Variants in NLRP8 observed in about 807,000 individuals in gnomAD.
NLRP8 encodes the protein NACHT, LRR and PYD domains-containing protein 8.
Under a neutral mutation model 88.7 loss-of-function variants are expected in NLRP8, and 86 were observed. The observed-to-expected ratio is 0.97, with a 90% confidence interval of 0.81 to 1.16. The LOEUF (loss-of-function observed/expected upper bound fraction) is 1.16, where lower values mean the gene tolerates loss of function less well. Among genes scored for constraint, NLRP8 ranks in the 50% most tolerant of loss-of-function variants. NLRP8 has a pLI of 0.00. For synonymous variants in NLRP8, 504 were observed against 494.6 expected (o/e 1.02, Z -0.25); for missense variants, 1,342 against 1,286.5 (o/e 1.04, Z -0.66).
chr19:55,988,540 C>A lies in NLRP8; in HGVS notation c.*627C>A, dbSNP rs772790390. ...ATATAGACAAAGTCTTCATCGTCTTCTTGCTTCTTCTACCTTTATTTATTC... is the reference window on the plus strand; with the variant it reads ...ATATAGACAAAGTCTTCATCGTCTTATTGCTTCTTCTACCTTTATTTATTC... On this transcript the variant is annotated 3_prime_UTR_variant, in exon 10 of 10. Coordinates refer to ENST00000291971, the MANE Select transcript of NLRP8 (RefSeq NM_176811.2). The A allele has an allele frequency of 6.7e-6, 1 of 149,190 alleles. No homozygotes were observed. Among genetic ancestry groups the A allele is most frequent in the African/African-American group, 2.5e-5 (1 of 40,372 alleles). 9.2% of individuals were successfully genotyped at this position (149,190 alleles called of 1,614,324 possible). A position where few individuals can be genotyped will look rare whatever the true frequency, so the allele number is the denominator to read the frequency against.
At chr19:55,986,051 T>C (rs2123236267) in intron 9 of NLRP8, among the ~76,000 whole-genome samples, 1 of 152,118 alleles carries the variant, frequency 6.6e-6, no homozygotes, top group Non-Finnish European at 1.5e-5. Flanking sequence ...TAAACTTCTG[T>C]TTCAAGATTA....
rs1980322615 is a variant in NLRP8 at position 55,976,338 on chromosome 19, G to A, written c.2876+35G>A. On this transcript the variant is annotated intron_variant, in intron 8 of 9. Transcript: ENST00000291971. ...CCCTCGTCTCCTCCTGTGAGACCAGGAGAATTGTATATAAGCGTCTCTCAG... is the reference window on the plus strand; with the variant it reads ...CCCTCGTCTCCTCCTGTGAGACCAGAAGAATTGTATATAAGCGTCTCTCAG... 4 of 1,539,120 alleles carry A rather than the reference G, an allele frequency of 2.6e-6. No homozygotes were observed. The East Asian group carries it at 9.3e-5, about 36-fold the overall frequency.
chr19:55,966,443 G>T, intron 5 of NLRP8, 63 bp downstream of exon 5: 1 of 1,450,686 alleles, frequency 6.9e-7, no homozygotes, highest in East Asian at 2.3e-5. Context: ...TTCAAGGGCG[G>T]TGATGAGAGG....
chr19:55,957,018 C>G (rs965883865), intron 3 of NLRP8, among the ~76,000 whole-genome samples: 1 of 152,116 alleles, frequency 6.6e-6, no homozygotes, highest in Non-Finnish European at 1.5e-5. Flanking sequence ...ATCTTCAACT[C>G]CCGGCCTCAA....
At position 55,954,616 on chromosome 19, in the gene NLRP8, G is replaced by A. The variant is rs149337413; in HGVS notation, c.558G>A (p.Glu186=). Residue 186 remains glutamate, a synonymous_variant, in exon 3 of 10, where the codon GAG becomes GAA. Coordinates refer to ENST00000291971, the MANE Select transcript of NLRP8 (RefSeq NM_176811.2). ...TCTACCAAGGTGTACACAGGCACGA[G>A]GAGTACTTACCATGTCTGCTTCTGC... 1.9e-3 allele frequency: 3,064 copies of A among 1,614,182 alleles called. 20 individuals are homozygous for A. The highest frequency in any genetic ancestry group is 2.0e-3 in the Non-Finnish European group (2,336 of 1,180,034).
chr19:55,986,582 G>C (rs1980851147), intron 9 of NLRP8, among the ~76,000 whole-genome samples: 1 of 152,120 alleles, frequency 6.6e-6, no homozygotes, highest in Admixed American at 6.6e-5. Context: ...TGGTGGTAAA[G>C]GCAGCCTCTT....
chr19:55,961,583 C>A (rs928614125), intron 3 of NLRP8, among the ~76,000 whole-genome samples: 1 of 152,090 alleles, frequency 6.6e-6, no homozygotes, highest in Non-Finnish European at 1.5e-5. Context: ...AGGAGGAGCG[C>A]TTGAGCCCAG....
At chr19:55,959,892 C>A (rs186693969) in intron 3 of NLRP8, among the ~76,000 whole-genome samples, 1 of 152,276 alleles carries the variant, frequency 6.6e-6, no homozygotes, top group Non-Finnish European at 1.5e-5. Context: ...CCTCTGGAGC[C>A]TTAGTAAATT....
intron 6 of NLRP8, among the ~76,000 whole-genome samples, chr19:55,971,520 C>CATCTG (rs1416653868): frequency 6.7e-6 from 1 of 149,048 alleles, no homozygotes; most frequent in African/African-American, 2.5e-5. Context: ...TCTTAGTGTT[C>CATCTG]ATCTGTTTAG....
At chr19:55,951,917 A>AT (rs1049515082) in intron 1 of NLRP8, among the ~76,000 whole-genome samples, 1 of 151,108 alleles carries the variant, frequency 6.6e-6, no homozygotes, top group Non-Finnish European at 1.5e-5. Flanking sequence ...CTGGCTAATT[A>AT]TTTTTTATTT....
At position 55,976,214 on chromosome 19, in the gene NLRP8, T is replaced by A; in HGVS notation, c.2787T>A (p.Leu929=). Residue 929 remains leucine, a synonymous_variant, in exon 8 of 10, where the codon CTT becomes CTA. Coordinates refer to ENST00000291971, the MANE Select transcript of NLRP8 (RefSeq NM_176811.2). ...GTAAAAATAAAACCCTGAAAAGTCT[T>A]GACCTAAGTTTTAATAGCCTGAAGG... 1 of 1,613,906 alleles carries A rather than the reference T, an allele frequency of 6.2e-7. No homozygotes were observed. The highest frequency in any genetic ancestry group is 1.1e-5 in the South Asian group (1 of 91,048).
intron 9 of NLRP8, among the ~76,000 whole-genome samples, chr19:55,985,964 A>C (rs1178791628): frequency 1.3e-5 from 2 of 152,112 alleles, no homozygotes; most frequent in Non-Finnish European, 2.9e-5. Context: ...TGCACTGAGT[A>C]CTCCAGCCTG....
chr19:55,957,673 T>TTATA (rs10523999), intron 3 of NLRP8, among the ~76,000 whole-genome samples: 23 of 31,154 alleles, frequency 7.4e-4, no homozygotes, highest in Non-Finnish European at 7.3e-4. Context: ...AAAATAATAA[T>TTATA]TATATATATA....
rs1272717723 is a variant in NLRP8 at position 55,954,967 on chromosome 19, T to G, written c.909T>G (p.Ser303Arg). ...TCATTGACAGACTGGAGGACCTGAGTGAAGACTGGAGGCAGAAATTGCCTG... is the reference window on the plus strand; with the variant it reads ...TCATTGACAGACTGGAGGACCTGAGGGAAGACTGGAGGCAGAAATTGCCTG... The change falls in exon 3 of 10, where the codon AGT (serine) becomes AGG (arginine). Residue 303 changes from serine (S) to arginine (R), a missense_variant. By Grantham distance (110) the Ser-to-Arg change is moderately radical. Transcript: ENST00000291971. 1.4e-5 allele frequency: 23 copies of G among 1,613,970 alleles called. No homozygotes were observed. Among genetic ancestry groups the G allele is most frequent in the Non-Finnish European group, 1.9e-5 (23 of 1,180,028 alleles).
intron 9 of NLRP8, among the ~76,000 whole-genome samples, chr19:55,982,037 G>A (rs914272829): frequency 6.6e-6 from 1 of 152,034 alleles, no homozygotes; most frequent in Non-Finnish European, 1.5e-5. Context: ...GAGTAACTGG[G>A]ACTACAGGTG....
chr19:55,957,940 T>C (rs1350042640), intron 3 of NLRP8, among the ~76,000 whole-genome samples: 1 of 152,072 alleles, frequency 6.6e-6, no homozygotes, highest in Non-Finnish European at 1.5e-5. Flanking sequence ...TTTCTTCATA[T>C]TGGTTGATAT....
chr19:55,968,857 C>T (rs1326032824), intron 5 of NLRP8, among the ~76,000 whole-genome samples: 2 of 152,220 alleles, frequency 1.3e-5, no homozygotes, highest in African/African-American at 4.8e-5. Flanking sequence ...TTGCCAGCTC[C>T]TGACCACTGC....
chr19:55,985,323 G>GAA (rs56149105), intron 9 of NLRP8, among the ~76,000 whole-genome samples: 18 of 151,240 alleles, frequency 1.2e-4, no homozygotes, highest in African/African-American at 3.9e-4. Context: ...AAATGAAAAA[G>GAA]AAAAAAAAGA....
At chr19:55,981,893 GT>G (rs1568469958) in intron 9 of NLRP8, among the ~76,000 whole-genome samples, 1 of 102,524 alleles carries the variant, frequency 9.8e-6, no homozygotes. Context: ...ATCCAGGTTG[GT>G]TTCTCTTGTT....
Sources: gnomAD v4.1 joint callset for allele counts (sites outside exome capture counted in the v4.1 genomes callset) on GRCh38, gnomAD v4.1.1 for gene constraint, MANE v1.5 for transcripts, NCBI Gene and HGNC (gene_info 2026-07-23, HGNC 2026-07-21) for gene names.